Variants in RP1 observed in about 807,000 individuals in gnomAD.
The protein encoded by RP1 is oxygen-regulated protein 1.
Under a neutral mutation model 14.8 loss-of-function variants are expected in RP1, and 16 were observed. The observed-to-expected ratio is 1.08, with a 90% CI of 0.73 to 1.65. The LOEUF (loss-of-function observed/expected upper bound fraction) is 1.65. RP1 is among the 40% of genes most tolerant of loss of function. The pLI, the probability that RP1 is intolerant of heterozygous loss-of-function variation, is 0.00. For synonymous variants in RP1, 876 were observed against 883.6 expected, an observed-to-expected ratio of 0.99 and a Z score of 0.15; for missense variants, 2,631 against 2,535.0, an observed-to-expected ratio of 1.04 and a Z score of -0.81.
rs1444271998 is a variant in RP1, at chr8:54,629,130, G to T, written c.5248G>T (p.Glu1750Ter). The change falls in exon 4 of 4, where the codon GAA becomes TAA. Residue 1750 changes from glutamate (E) to a stop codon, truncating the protein, a stop_gained. Transcript: ENST00000220676. LOFTEE classifies it low-confidence loss of function (END_TRUNC). ...TGACAAAGGCAAATGGCTTCTGAAA[G>T]AAAATCATTTGCTAAGGATGTCATC... is the stretch of plus-strand genomic sequence containing the variant. ...LIDKGKWLLK[E>*]NHLLRMSSEN... The T allele has an allele frequency of 2.5e-5, 41 of 1,613,988 alleles. No homozygotes were observed. The highest frequency in any genetic ancestry group is 3.5e-5 in the Non-Finnish European group (41 of 1,179,958).
intron 24 of RP1, among the ~76,000 whole-genome samples, chr8:54,809,226 A>G (rs574449151): frequency 3.3e-4 from 50 of 152,328 alleles, no homozygotes; most frequent in Non-Finnish European, 5.4e-4. Flanking sequence ...TCTAAAGTTT[A>G]GTTGTACATA....
At position 54,569,467 on chromosome 8, in the gene RP1, A is replaced by C. The variant is rs193202614; in HGVS notation, c.-13+10147A>C. ...AGAATGAATGGGCCATATTGGCTTG[A>C]GTATTCAGCTGTGATTCCCATTGTA... On this transcript the variant is annotated intron_variant, in intron 1 of 22. Coordinates refer to the RP1 transcript ENST00000636932. 3.6e-3 allele frequency among the ~76,000 whole-genome samples: 548 copies of C among 152,358 alleles called. 3 individuals carry two copies. Among genetic ancestry groups the C allele is most frequent in the African/African-American group, 0.012 (507 of 41,578 alleles).
chr8:54,617,242 A>G (rs1805741076), intron 1 of RP1, among the ~76,000 whole-genome samples: 1 of 152,198 alleles, frequency 6.6e-6, no homozygotes, highest in Non-Finnish European at 1.5e-5. Context: ...CTTCAGCCTA[A>G]ACTTCTGGGA....
chr8:54,664,090 C>G (rs1806958742), intron 7 of RP1, among the ~76,000 whole-genome samples: 1 of 152,166 alleles, frequency 6.6e-6, no homozygotes. Flanking sequence ...ATTCTACTTT[C>G]TATTTCTGTG....
At chr8:54,687,093 T>C (rs1042708931) in intron 12 of RP1, among the ~76,000 whole-genome samples, 8 of 152,142 alleles carry the variant, frequency 5.3e-5, no homozygotes, top group African/African-American at 1.9e-4. Context: ...TTTTTCTTTT[T>C]TTATTATTAA....
intron 18 of RP1, among the ~76,000 whole-genome samples, chr8:54,736,852 G>A (rs1053463668): frequency 1.3e-5 from 2 of 152,156 alleles, no homozygotes; most frequent in African/African-American, 4.8e-5. Context: ...ATCTGTGTGT[G>A]CACTAAAGTT....
At chr8:54,617,409 G>A (rs979599192) in intron 1 of RP1, among the ~76,000 whole-genome samples, 7 of 152,172 alleles carry the variant, frequency 4.6e-5, no homozygotes, top group African/African-American at 1.2e-4. Flanking sequence ...ATTCTGATTC[G>A]TTCTTAAAAC....
At chr8:54,855,972 C>CACA (rs10573058) in intron 26 of RP1, among the ~76,000 whole-genome samples, 1 of 70,620 alleles carries the variant, frequency 1.4e-5, no homozygotes, top group South Asian at 4.6e-4. Flanking sequence ...CACACACACA[C>CACA]CCCCTATAAC....
chr8:54,820,555 G>A (rs1436562313), intron 24 of RP1, among the ~76,000 whole-genome samples: 1 of 152,118 alleles, frequency 6.6e-6, no homozygotes, highest in African/African-American at 2.4e-5. Flanking sequence ...GTGCTCTGCT[G>A]TGACAGGGCA....
Position 54,628,438 on chromosome 8 carries a change from G to T in RP1, c.4556G>T (p.Arg1519Ile), listed in dbSNP as rs1806144494. Residue 1519 changes from arginine to isoleucine, a missense_variant, in exon 4 of 4, where the codon AGA (arginine) becomes ATA (isoleucine). Arg to Ile is a moderately conservative substitution (Grantham distance 97). Coordinates refer to ENST00000220676, the MANE Select transcript of RP1 (RefSeq NM_006269.2). The stretch of plus-strand genomic sequence containing the variant: ...AGTAAGAATATTATGGAAGAAAAAA[G>T]AATGAACGGTATAATTTATGAAATA... ...ISSKNIMEEK[R>I]MNGIIYEIIS... The T allele has an allele frequency of 6.2e-7, 1 of 1,613,312 alleles. No homozygotes were observed. The highest frequency in any genetic ancestry group is 1.7e-5 in the Admixed American group (1 of 59,952).
At chr8:54,601,122 A>G (rs529160467) in intron 1 of RP1, among the ~76,000 whole-genome samples, 1 of 152,306 alleles carries the variant, frequency 6.6e-6, no homozygotes, top group South Asian at 2.1e-4. Flanking sequence ...ATGTAGGAGT[A>G]TTGACTTACA....
chr8:54,856,429 C>T (rs531106039), intron 26 of RP1, among the ~76,000 whole-genome samples: 48 of 152,150 alleles, frequency 3.2e-4, no homozygotes, highest in African/African-American at 9.9e-4. Flanking sequence ...ACGTCCTATG[C>T]GTGTGTATGT....
chr8:54,586,836 C>T (rs572408658), intron 1 of RP1, among the ~76,000 whole-genome samples: 91 of 152,310 alleles, frequency 6.0e-4, no homozygotes, highest in Non-Finnish European at 8.2e-4. Context: ...TTGCTAAGAC[C>T]ATTGGAAAAG....
chr8:54,807,527 C>T (rs182694778), intron 24 of RP1, among the ~76,000 whole-genome samples: 484 of 152,006 alleles, frequency 3.2e-3, no homozygotes, highest in Non-Finnish European at 5.1e-3. Flanking sequence ...TGAGCTTTTC[C>T]GTTAACTTAG....
At chr8:54,658,418 G>T (rs1806803764) in intron 6 of RP1, among the ~76,000 whole-genome samples, 1 of 150,142 alleles carries the variant, frequency 6.7e-6, no homozygotes, top group Non-Finnish European at 1.5e-5. Flanking sequence ...GGGCGTAGTG[G>T]CGGGCGCCTG....
intron 17 of RP1, among the ~76,000 whole-genome samples, chr8:54,732,154 A>G (rs1303483410): frequency 6.6e-6 from 1 of 152,162 alleles, no homozygotes; most frequent in Non-Finnish European, 1.5e-5. Context: ...CAAGCCATGC[A>G]CATGCTGGGA....
chr8:54,667,918 A>T (rs1247168117), intron 7 of RP1, among the ~76,000 whole-genome samples: 2 of 152,152 alleles, frequency 1.3e-5, no homozygotes, highest in African/African-American at 2.4e-5. Context: ...TACAAAGAGG[A>T]GCTGGTACCA....
intron 19 of RP1, among the ~76,000 whole-genome samples, chr8:54,753,146 G>A (rs1169821896): frequency 1.3e-5 from 2 of 152,196 alleles, no homozygotes; most frequent in East Asian, 1.9e-4. Context: ...TTTGGTCACA[G>A]TTTTTCTAGC....
At chr8:54,633,499 A>G (rs918355254), downstream of RP1, among the ~76,000 whole-genome samples, 6 of 152,106 alleles carry the variant, frequency 3.9e-5, no homozygotes, top group Non-Finnish European at 5.9e-5. Context: ...TGTGGCACTC[A>G]TTAAAGTTCT....
Sources: allele counts gnomAD v4.1 joint callset (sites outside exome capture counted in the v4.1 genomes callset), GRCh38; gene constraint gnomAD v4.1.1; transcripts MANE v1.5; gene names NCBI Gene and HGNC (gene_info 2026-07-23, HGNC 2026-07-21).